Variants in GRID2 observed in about 807,000 individuals in gnomAD.
The protein encoded by GRID2 is glutamate ionotropic receptor delta type subunit 2.
A neutral mutation model predicts 114.8 loss-of-function variants in GRID2; 33 were observed. The observed-to-expected ratio is 0.29, with a 90% CI of 0.22 to 0.38. The LOEUF is 0.38. Ranked by LOEUF, GRID2 falls within the 10% of genes least tolerant of loss-of-function variation. The probability of loss-of-function intolerance (pLI) is 1.00; values close to 1 mark genes in which losing one functional copy is unlikely to be tolerated. For missense variants in GRID2, 1,184 were observed against 1,257.7 expected (o/e 0.94, Z 0.89); for synonymous variants, 505 against 449.9 (o/e 1.12, Z -1.55).
At chr4:93,784,780 C>T (rs948972277) in intron 1 of GRID2, among the ~76,000 whole-genome samples, 1 of 151,796 alleles carries the variant, frequency 6.6e-6, no homozygotes, top group Non-Finnish European at 1.5e-5. Context: ...TGATATGTTC[C>T]ATAAAAGTGA....
At chr4:92,463,924 C>T (rs755293898) in intron 1 of GRID2, among the ~76,000 whole-genome samples, 29 of 151,626 alleles carry the variant, frequency 1.9e-4, no homozygotes, top group Non-Finnish European at 4.0e-4. Flanking sequence ...TCCTTTTTTC[C>T]CTTTTCTTTT....
At position 93,560,222 on chromosome 4, in the gene GRID2, T is replaced by TAAAAAAAAAAAAAAA. The variant is rs70942974; in HGVS notation, c.2193+44828_2193+44842dup. On this transcript the variant is annotated intron_variant, in intron 13 of 15. Coordinates refer to ENST00000282020, the MANE Select transcript of GRID2 (RefSeq NM_001510.4). ...TACGCATGTATTCCAGAACTTAAAG[T>TAAAAAAAAAAAAAAA]AAAAAAAAAAAAAAAAAAAAAAAAA... Among the ~76,000 whole-genome samples the TAAAAAAAAAAAAAAA allele has an allele frequency of 1.8e-3, 76 of 42,950 alleles. 5 individuals carry two copies. The highest frequency in any genetic ancestry group is 2.9e-3 in the East Asian group (2 of 678). 28.2% of individuals were successfully genotyped at this position (42,950 alleles called of 152,430 possible). A position where few individuals can be genotyped will look rare whatever the true frequency, so the allele number is the denominator to read the frequency against.
intron 2 of GRID2, among the ~76,000 whole-genome samples, chr4:92,614,558 A>G (rs62307890): frequency 0.047 from 7,128 of 151,438 alleles, 207 homozygotes; most frequent in East Asian, 0.094. Context: ...TTTTTTCCCT[A>G]TGTGACCAGA....
intron 1 of GRID2, among the ~76,000 whole-genome samples, chr4:92,457,828 CTGTT>C (rs2149084747): frequency 6.6e-6 from 1 of 152,252 alleles, no homozygotes; most frequent in African/African-American, 2.4e-5. Context: ...CTATGCCTGT[CTGTT>C]TGCAAGGATT....
At chr4:92,819,608 T>A (rs1239384500) in intron 2 of GRID2, among the ~76,000 whole-genome samples, 4 of 152,014 alleles carry the variant, frequency 2.6e-5, no homozygotes, top group Non-Finnish European at 5.9e-5. Flanking sequence ...GTTTAATTAA[T>A]GGTCATTCTT....
At chr4:93,127,712 G>T (rs1734405060) in intron 4 of GRID2, among the ~76,000 whole-genome samples, 4 of 151,926 alleles carry the variant, frequency 2.6e-5, no homozygotes, top group Admixed American at 2.6e-4. Context: ...TACGGAGTGT[G>T]CTAGGCTGGG....
chr4:92,889,183 A>G (rs1708534321), intron 2 of GRID2, among the ~76,000 whole-genome samples: 1 of 152,152 alleles, frequency 6.6e-6, no homozygotes, highest in African/African-American at 2.4e-5. Context: ...TTTACCGTTT[A>G]AGTATTAAAT....
intron 2 of GRID2, among the ~76,000 whole-genome samples, chr4:92,799,275 G>C (rs951723096): frequency 6.6e-6 from 1 of 151,772 alleles, no homozygotes; most frequent in South Asian, 2.1e-4. Flanking sequence ...CAATAAGGTC[G>C]GTGCTCCTGT....
chr4:92,718,171 A>G (rs1735636399), intron 2 of GRID2, among the ~76,000 whole-genome samples: 1 of 152,104 alleles, frequency 6.6e-6, no homozygotes, highest in Admixed American at 6.6e-5. Context: ...AAAATTTGAG[A>G]CTATTTTGCA....
intron 14 of GRID2, among the ~76,000 whole-genome samples, chr4:93,665,261 T>A (rs1428545202): frequency 1.3e-5 from 2 of 152,200 alleles, no homozygotes; most frequent in African/African-American, 4.8e-5. Flanking sequence ...AATGCACTCT[T>A]GGCTTTATTC....
intron 4 of GRID2, among the ~76,000 whole-genome samples, chr4:93,113,319 T>C (rs139736685): frequency 2.0e-5 from 3 of 152,176 alleles, no homozygotes; most frequent in Non-Finnish European, 4.4e-5. Flanking sequence ...AAAACTGAGG[T>C]GTACAGGGTT....
At chr4:93,161,275 G>C (rs965990696) in intron 4 of GRID2, among the ~76,000 whole-genome samples, 1 of 151,864 alleles carries the variant, frequency 6.6e-6, no homozygotes, top group Non-Finnish European at 1.5e-5. Context: ...TAGAAATCAA[G>C]CAATAGAAGT....
intron 2 of GRID2, among the ~76,000 whole-genome samples, chr4:93,027,661 T>G (rs188610903): frequency 8.5e-5 from 13 of 152,266 alleles, no homozygotes; most frequent in African/African-American, 3.1e-4. Flanking sequence ...ACAGTGAAAT[T>G]CAGAAATTGA....
At chr4:92,775,380 A>C (rs983690772) in intron 2 of GRID2, among the ~76,000 whole-genome samples, 4 of 152,168 alleles carry the variant, frequency 2.6e-5, no homozygotes, top group African/African-American at 9.7e-5. Context: ...TATCGATGAC[A>C]GAAAAACCAT....
At chr4:93,572,473 C>A (rs954268625) in intron 13 of GRID2, among the ~76,000 whole-genome samples, 1 of 151,996 alleles carries the variant, frequency 6.6e-6, no homozygotes, top group African/African-American at 2.4e-5. Flanking sequence ...TTAGAGACCT[C>A]ATTATATTAT....
intron 2 of GRID2, among the ~76,000 whole-genome samples, chr4:92,613,053 GTA>G (rs1200978156): frequency 5.9e-5 from 9 of 151,344 alleles, no homozygotes; most frequent in Non-Finnish European, 1.0e-4. Context: ...GATGTTAGCT[GTA>G]TATTTTCCAA....
intron 1 of GRID2, among the ~76,000 whole-genome samples, chr4:92,489,321 G>A (rs1171613373): frequency 1.3e-5 from 2 of 151,864 alleles, no homozygotes; most frequent in African/African-American, 4.8e-5. Context: ...TGTTATTTAA[G>A]AAATCAAAAT....
rs1348932923 is a variant in GRID2 at position 93,626,249 on chromosome 4, T to G, written c.2194-20T>G. 6.7e-7 allele frequency: 1 copy of G among 1,493,632 alleles called. No individual in the cohort carries two copies. Among genetic ancestry groups the G allele is most frequent in the African/African-American group, 1.4e-5 (1 of 71,878 alleles). The allele number at this position is 1,493,632 out of a possible 1,614,324, so 92.5% of individuals were successfully genotyped here. On this transcript the variant is annotated intron_variant, in intron 13 of 15. Transcript: ENST00000282020. ...CAACTTTAAACCCTATTTCTTCTTT[T>G]GTTCTTCATTTTTTCACAGGTAAAA...
intron 8 of GRID2, among the ~76,000 whole-genome samples, chr4:93,270,972 T>A (rs1168020577): frequency 6.6e-6 from 1 of 152,102 alleles, no homozygotes; most frequent in Non-Finnish European, 1.5e-5. Context: ...AGAAGTGTAG[T>A]GACTGATTTT....
Sources: allele counts gnomAD v4.1 joint callset (sites outside exome capture counted in the v4.1 genomes callset), GRCh38; gene constraint gnomAD v4.1.1; transcripts MANE v1.5; gene names NCBI Gene and HGNC (gene_info 2026-07-23, HGNC 2026-07-21).